Variants in NTNG1 observed in about 807,000 individuals in gnomAD.
NTNG1 encodes the protein netrin-G1.
A neutral mutation model predicts 54.0 loss-of-function variants in NTNG1; 16 were observed. The ratio of observed to expected loss-of-function variants is 0.30; its 90% CI spans 0.20 to 0.45. The LOEUF (loss-of-function observed/expected upper bound fraction) is 0.45, where lower values mean the gene tolerates loss of function less well. NTNG1 is among the 20% of genes least tolerant of loss of function. The probability of loss-of-function intolerance (pLI) is 1.00; values close to 1 mark genes in which losing one functional copy is unlikely to be tolerated. For synonymous variants in NTNG1, 255 were observed against 263.1 expected (o/e 0.97, Z 0.30); for missense variants, 530 against 678.7 (o/e 0.78, Z 2.43).
Position 107,436,704 on chromosome 1 carries a change from G to A in NTNG1, c.1295G>A (p.Cys432Tyr). The A allele has an allele frequency of 6.2e-7, 1 of 1,613,482 alleles. No homozygotes were observed. Among genetic ancestry groups the A allele is most frequent in the Non-Finnish European group, 8.5e-7 (1 of 1,179,546 alleles). Residue 432 changes from cysteine (C) to tyrosine (Y), a missense_variant, in exon 7 of 8, where the codon TGT becomes TAT. Cys to Tyr is a radical substitution (Grantham distance 194, BLOSUM62 -2). Transcript: ENST00000370068. ...CCTTTGGGCTCAATCCATGATCGTTGTAATGGCTCAGGATTTTGTGAGTGT... is the reference window on the plus strand; with the variant it reads ...CCTTTGGGCTCAATCCATGATCGTTATAATGGCTCAGGATTTTGTGAGTGT... Reference protein sequence around the residue: ...CNPLGSIHDRCNGSGFCECKT... With the variant: ...CNPLGSIHDRYNGSGFCECKT...
At chr1:107,399,169 A>G (rs1474152048) in intron 4 of NTNG1, among the ~76,000 whole-genome samples, 1 of 152,156 alleles carries the variant, frequency 6.6e-6, no homozygotes, top group Non-Finnish European at 1.5e-5. Context: ...AAGTCCTACA[A>G]TAAAACAACC....
At chr1:107,238,768 T>G (rs545950881) in intron 2 of NTNG1, among the ~76,000 whole-genome samples, 1 of 151,730 alleles carries the variant, frequency 6.6e-6, no homozygotes, top group Non-Finnish European at 1.5e-5. Flanking sequence ...TCCCCAGCCA[T>G]GTGGAACTGT....
intron 3 of NTNG1, among the ~76,000 whole-genome samples, chr1:107,327,896 CAT>C (rs1293859225): frequency 6.6e-6 from 1 of 151,990 alleles, no homozygotes; most frequent in Non-Finnish European, 1.5e-5. Context: ...TTTCTTTGTG[CAT>C]ATGTTTGTTT....
intron 3 of NTNG1, among the ~76,000 whole-genome samples, chr1:107,349,414 A>G (rs1322171820): frequency 1.3e-5 from 2 of 152,188 alleles, no homozygotes; most frequent in Non-Finnish European, 2.9e-5. Context: ...GAAACATACA[A>G]AGAATGTATG....
intron 5 of NTNG1, among the ~76,000 whole-genome samples, chr1:107,411,589 G>T (rs1012136061): frequency 1.3e-5 from 2 of 151,340 alleles, no homozygotes; most frequent in East Asian, 1.9e-4. Context: ...GTTTGTTTGG[G>T]TTTTTTTTTC....
chr1:107,197,185 C>T (rs1293952108), intron 2 of NTNG1, among the ~76,000 whole-genome samples: 1 of 151,886 alleles, frequency 6.6e-6, no homozygotes, highest in Non-Finnish European at 1.5e-5. Flanking sequence ...TGTATGATAC[C>T]CTTAGGCTTG....
chr1:107,360,837 A>T (rs1241582947), intron 3 of NTNG1, among the ~76,000 whole-genome samples: 5 of 152,090 alleles, frequency 3.3e-5, no homozygotes, highest in African/African-American at 1.2e-4. Context: ...ACATCTAGTC[A>T]CCAGTCACTG....
intron 2 of NTNG1, among the ~76,000 whole-genome samples, chr1:107,202,490 T>C (rs1037142526): frequency 2.0e-5 from 3 of 151,896 alleles, no homozygotes; most frequent in Admixed American, 6.6e-5. Flanking sequence ...GTACTACTAC[T>C]ACTATTTTAC....
At chr1:107,362,839 T>A (rs149705785) in intron 3 of NTNG1, among the ~76,000 whole-genome samples, 39 of 152,284 alleles carry the variant, frequency 2.6e-4, no homozygotes, top group African/African-American at 8.7e-4. Flanking sequence ...CAGATTTTTT[T>A]AAAAGTTTCC....
intron 2 of NTNG1, among the ~76,000 whole-genome samples, chr1:107,268,486 AT>A (rs55816322): frequency 0.84 from 117,039 of 138,836 alleles, 51,109 homozygotes; most frequent in Non-Finnish European, 0.97. Context: ...CTCTCATCAT[AT>A]TTTTTTTTTT....
intron 2 of NTNG1, among the ~76,000 whole-genome samples, chr1:107,277,145 C>T (rs1273126872): frequency 6.6e-6 from 1 of 152,188 alleles, no homozygotes; most frequent in East Asian, 1.9e-4. Context: ...CAAAGATCGC[C>T]CACCAGAGGG....
intron 2 of NTNG1, among the ~76,000 whole-genome samples, chr1:107,266,616 G>GTTT (rs545857167): frequency 1.5e-5 from 2 of 131,988 alleles, no homozygotes; most frequent in African/African-American, 3.0e-5. Context: ...TAGCAACATT[G>GTTT]TTTTTTTTTT....
chr1:107,239,509 GT>G (rs1661670348), intron 2 of NTNG1, among the ~76,000 whole-genome samples: 1 of 152,210 alleles, frequency 6.6e-6, no homozygotes. Context: ...TAAGAAGGCT[GT>G]TTTCTGGAGG....
rs267597900 is a variant in NTNG1 at position 107,324,533 on chromosome 1, C to A, written c.498C>A (p.Leu166=). 1 of 1,613,710 alleles carries A rather than the reference C, an allele frequency of 6.2e-7. No individual in the cohort carries two copies. Among genetic ancestry groups the A allele is most frequent in the South Asian group, 1.1e-5 (1 of 91,076 alleles). The stretch of plus-strand genomic sequence containing the variant: ...ACCAAATGATCCTGGAGAAGTCTCT[C>A]GATTATGGACGAACATGGCAGCCCT... The part of the protein sequence containing the change: ...RPDQMILEKS[L]DYGRTWQPYQ... Residue 166 remains leucine (L), a synonymous_variant, in exon 3 of 8, where the codon CTC becomes CTA. Coordinates refer to ENST00000370068, the MANE Select transcript of NTNG1 (RefSeq NM_001113226.3).
chr1:107,229,835 T>C (rs981499991), intron 2 of NTNG1, among the ~76,000 whole-genome samples: 3 of 152,086 alleles, frequency 2.0e-5, no homozygotes, highest in Non-Finnish European at 4.4e-5. Flanking sequence ...GAAATAGCGA[T>C]GATCCTCTGA....
intron 2 of NTNG1, among the ~76,000 whole-genome samples, chr1:107,168,449 C>G (rs1263567283): frequency 6.6e-6 from 1 of 152,028 alleles, no homozygotes; most frequent in Non-Finnish European, 1.5e-5. Flanking sequence ...ATATTTCTCT[C>G]TCTCAGTAGA....
chr1:107,464,414 C>G lies in NTNG1; in HGVS notation c.1391-16197C>G, dbSNP rs78408717. Among the ~76,000 whole-genome samples the G allele has an allele frequency of 4.4e-3, 673 of 152,090 alleles. 4 individuals carry two copies. Among genetic ancestry groups the G allele is most frequent in the African/African-American group, 0.015 (632 of 41,474 alleles). On this transcript the variant is annotated intron_variant, in intron 7 of 7. Coordinates refer to ENST00000370068, the MANE Select transcript of NTNG1 (RefSeq NM_001113226.3). ...TTCAAAAGATTTGCCTAGTTGGGGC[C>G]CCAGGTGTAAAAAGCAAGCCCAGCA...
At chr1:107,462,271 C>T (rs1488179173) in intron 7 of NTNG1, among the ~76,000 whole-genome samples, 1 of 152,064 alleles carries the variant, frequency 6.6e-6, no homozygotes, top group Non-Finnish European at 1.5e-5. Flanking sequence ...ATATAGACCT[C>T]GAACAGAACA....
intron 2 of NTNG1, among the ~76,000 whole-genome samples, chr1:107,236,348 G>A (rs1661413793): frequency 6.6e-6 from 1 of 152,126 alleles, no homozygotes; most frequent in South Asian, 2.1e-4. Context: ...TCAGGCAGAA[G>A]GAAGAGGTTA....
Sources: gnomAD v4.1 joint callset for allele counts (sites outside exome capture counted in the v4.1 genomes callset) on GRCh38, gnomAD v4.1.1 for gene constraint, MANE v1.5 for transcripts, NCBI Gene and HGNC (gene_info 2026-07-23, HGNC 2026-07-21) for gene names.